The following PCDH15 variants were observed in gnomAD, a reference collection of about 807,000 sequenced individuals.
The protein encoded by PCDH15 is protocadherin related 15, also known as protocadherin-15.
PCDH15 carries 129 observed loss-of-function variants against 178.5 expected under a neutral mutation model. The ratio of observed to expected loss-of-function variants is 0.72; its 90% CI spans 0.63 to 0.84. The LOEUF (loss-of-function observed/expected upper bound fraction) is 0.84, where lower values mean the gene tolerates loss of function less well. PCDH15 is among the 40% of genes least tolerant of loss of function. PCDH15 has a pLI of 0.00. For synonymous variants in PCDH15, 800 were observed against 732.0 expected (o/e 1.09, Z -1.50); for missense variants, 2,230 against 2,099.9 (o/e 1.06, Z -1.21).
chr10:54,406,092 G>A (rs910216370), intron 3 of PCDH15, among the ~76,000 whole-genome samples: 2 of 152,174 alleles, frequency 1.3e-5, no homozygotes, highest in East Asian at 3.9e-4. Flanking sequence ...GAACAGATCT[G>A]CGTACTAAAT....
intron 2 of PCDH15, among the ~76,000 whole-genome samples, chr10:55,602,712 G>A (rs949102386): frequency 1.3e-5 from 2 of 152,130 alleles, no homozygotes; most frequent in Non-Finnish European, 2.9e-5. Context: ...AAACAGAAAG[G>A]ACACCCACAC....
At chr10:55,205,821 A>G (rs1299135050) in intron 1 of PCDH15, among the ~76,000 whole-genome samples, 1 of 152,074 alleles carries the variant, frequency 6.6e-6, no homozygotes, top group Non-Finnish European at 1.5e-5. Flanking sequence ...TACAAAAGAA[A>G]GAGGTTTATT....
intron 8 of PCDH15, among the ~76,000 whole-genome samples, chr10:54,255,981 A>G (rs1358396589): frequency 6.6e-6 from 1 of 152,166 alleles, no homozygotes; most frequent in Non-Finnish European, 1.5e-5. Context: ...TGAAATAAAC[A>G]TCTGATAATT....
intron 8 of PCDH15, among the ~76,000 whole-genome samples, chr10:54,279,273 T>C (rs147431550): frequency 0.015 from 2,207 of 151,710 alleles, 46 homozygotes; most frequent in South Asian, 0.044. Flanking sequence ...GGATGTTCTA[T>C]TGGTACAATA....
At chr10:54,198,874 C>G (rs1385741007) in intron 10 of PCDH15, among the ~76,000 whole-genome samples, 1 of 152,040 alleles carries the variant, frequency 6.6e-6, no homozygotes, top group African/African-American at 2.4e-5. Flanking sequence ...GATGAACACA[C>G]CCAAACACAC....
At chr10:55,543,269 T>C (rs1047566539) in intron 2 of PCDH15, among the ~76,000 whole-genome samples, 27 of 150,450 alleles carry the variant, frequency 1.8e-4, no homozygotes, top group Non-Finnish European at 2.8e-4. Flanking sequence ...TGTATATATA[T>C]GCACAAATTC....
At chr10:54,166,229 C>G (rs1199165765) in intron 13 of PCDH15, among the ~76,000 whole-genome samples, 3 of 152,126 alleles carry the variant, frequency 2.0e-5, no homozygotes, top group Admixed American at 6.5e-5. Flanking sequence ...TTGATGAATT[C>G]TCGTTAGTGC....
chr10:53,891,865 A>G (rs1035063348), intron 26 of PCDH15, among the ~76,000 whole-genome samples: 1 of 151,750 alleles, frequency 6.6e-6, no homozygotes, highest in African/African-American at 2.4e-5. Context: ...GCTACTTGGG[A>G]TGCTGAGGCA....
At chr10:55,570,629 A>G (rs1842391790) in intron 2 of PCDH15, among the ~76,000 whole-genome samples, 1 of 152,014 alleles carries the variant, frequency 6.6e-6, no homozygotes, top group Non-Finnish European at 1.5e-5. Context: ...GTCTTCTTGT[A>G]TAAAGTAATA....
At chr10:54,150,842 T>C (rs1427337205) in intron 14 of PCDH15, among the ~76,000 whole-genome samples, 2 of 152,060 alleles carry the variant, frequency 1.3e-5, no homozygotes, top group Non-Finnish European at 2.9e-5. Flanking sequence ...AAAAGAAAAG[T>C]ACAGACTAAT....
intron 1 of PCDH15, among the ~76,000 whole-genome samples, chr10:54,768,547 A>T (rs1389030687): frequency 6.6e-6 from 1 of 152,034 alleles, no homozygotes; most frequent in East Asian, 1.9e-4. Context: ...GCATTATGAA[A>T]TACTTAAGAA....
At chr10:54,453,337 A>G (rs970099693) in intron 3 of PCDH15, among the ~76,000 whole-genome samples, 1 of 152,156 alleles carries the variant, frequency 6.6e-6, no homozygotes, top group African/African-American at 2.4e-5. Context: ...AAAAATGATG[A>G]ATTCATATCC....
intron 2 of PCDH15, among the ~76,000 whole-genome samples, chr10:55,420,130 C>T (rs7895723): frequency 0.27 from 41,017 of 151,472 alleles, 6,793 homozygotes; most frequent in African/African-American, 0.47. Flanking sequence ...AAAACGTTAG[C>T]GTATGCATTT....
At chr10:54,651,033 C>T (rs904340723) in intron 2 of PCDH15, among the ~76,000 whole-genome samples, 1 of 151,924 alleles carries the variant, frequency 6.6e-6, no homozygotes, top group Non-Finnish European at 1.5e-5. Context: ...ACCCTACAAG[C>T]AATCAATCAA....
intron 2 of PCDH15, among the ~76,000 whole-genome samples, chr10:55,047,384 A>T (rs1841036120): frequency 7.6e-6 from 1 of 131,538 alleles, no homozygotes; most frequent in Non-Finnish European, 1.6e-5. Context: ...AAAACTTTGT[A>T]ACTGTTGCTT....
At chr10:53,964,940 A>C (rs2088832987) in intron 21 of PCDH15, among the ~76,000 whole-genome samples, 1 of 152,130 alleles carries the variant, frequency 6.6e-6, no homozygotes, top group South Asian at 2.1e-4. Context: ...TTGAATAATA[A>C]TGATAATAAC....
At chr10:53,808,362 T>G in intron 37 of PCDH15, 1 of 844,840 alleles carries the variant, frequency 1.2e-6, no homozygotes, top group Non-Finnish European at 1.4e-6. Flanking sequence ...ATGCCATCCA[T>G]TCCAATAGAC....
intron 2 of PCDH15, among the ~76,000 whole-genome samples, chr10:55,035,268 C>A (rs980309251): frequency 2.0e-5 from 3 of 152,084 alleles, no homozygotes; most frequent in Non-Finnish European, 4.4e-5. Context: ...TTTTTGTATG[C>A]AATTAGCATT....
intron 2 of PCDH15, among the ~76,000 whole-genome samples, chr10:55,591,937 C>T (rs775255359): frequency 1.3e-5 from 2 of 152,012 alleles, no homozygotes; most frequent in African/African-American, 2.4e-5. Flanking sequence ...TGTATACATG[C>T]TACACTTGTT....
Sources: allele counts gnomAD v4.1 joint callset (sites outside exome capture counted in the v4.1 genomes callset), GRCh38; gene constraint gnomAD v4.1.1; transcripts MANE v1.5; gene names NCBI Gene and HGNC (gene_info 2026-07-23, HGNC 2026-07-21).